CLSTN2: variants seen among roughly 807,000 people sequenced by gnomAD.
CLSTN2 encodes the protein calsyntenin 2, also known as calsyntenin-2.
In CLSTN2, 48 loss-of-function variants were observed where a neutral mutation model predicts 101.2. That is an observed-to-expected ratio of 0.47 (90% CI 0.38 to 0.60). The LOEUF (loss-of-function observed/expected upper bound fraction) is 0.60, where lower values mean the gene tolerates loss of function less well. Among genes scored for constraint, CLSTN2 ranks in the 20% least tolerant of loss-of-function variants. The probability of loss-of-function intolerance (pLI) is 0.00; values close to 1 mark genes in which losing one functional copy is unlikely to be tolerated. For missense variants in CLSTN2, 1,160 were observed against 1,238.2 expected (o/e 0.94, Z 0.95); for synonymous variants, 481 against 463.6 (o/e 1.04, Z -0.48).
chr3:140,291,543 C>G (rs147375765), intron 2 of CLSTN2, among the ~76,000 whole-genome samples: 119 of 152,174 alleles, frequency 7.8e-4, no homozygotes, highest in African/African-American at 2.5e-3. Flanking sequence ...TTTTCTTCCA[C>G]CAGACAGCCA....
intron 2 of CLSTN2, among the ~76,000 whole-genome samples, chr3:140,248,622 C>G: frequency 6.6e-6 from 1 of 152,160 alleles, no homozygotes; most frequent in East Asian, 1.9e-4. Context: ...CTGAAGGACT[C>G]GTTAGTTAAT....
intron 2 of CLSTN2, among the ~76,000 whole-genome samples, chr3:140,203,698 A>T: frequency 6.6e-6 from 1 of 152,118 alleles, no homozygotes; most frequent in East Asian, 1.9e-4. Flanking sequence ...GGAGCCTGAC[A>T]GCTTTAATGG....
At chr3:140,057,056 C>T (rs1314446285) in intron 1 of CLSTN2, among the ~76,000 whole-genome samples, 1 of 152,208 alleles carries the variant, frequency 6.6e-6, no homozygotes, top group African/African-American at 2.4e-5. Context: ...AGGGATTTTC[C>T]CTGGACATAC....
intron 4 of CLSTN2, among the ~76,000 whole-genome samples, chr3:140,410,160 T>C (rs1355559365): frequency 6.6e-6 from 1 of 152,052 alleles, no homozygotes; most frequent in Non-Finnish European, 1.5e-5. Flanking sequence ...TTCTCAAATA[T>C]GGAGAGAGAT....
intron 8 of CLSTN2, among the ~76,000 whole-genome samples, chr3:140,494,625 C>T (rs912239062): frequency 2.0e-5 from 3 of 152,138 alleles, no homozygotes; most frequent in Non-Finnish European, 2.9e-5. Flanking sequence ...CCTACCTCAC[C>T]CCCAACAGGT....
At chr3:140,175,827 T>C (rs1204323127) in intron 1 of CLSTN2, 124 bp from the exon 2 acceptor site, 1 of 952,300 alleles carries the variant, frequency 1.1e-6, no homozygotes, top group Non-Finnish European at 1.5e-6. Context: ...ACATGTTCCA[T>C]GTCTCTCATG....
At chr3:140,252,250 T>G (rs2086570571) in intron 2 of CLSTN2, among the ~76,000 whole-genome samples, 2 of 151,908 alleles carry the variant, frequency 1.3e-5, no homozygotes, top group African/African-American at 2.4e-5. Context: ...ACCAGAAGGG[T>G]CAGGGTAGGG....
intron 2 of CLSTN2, among the ~76,000 whole-genome samples, chr3:140,279,665 G>T (rs1238013408): frequency 6.6e-6 from 1 of 152,154 alleles, no homozygotes; most frequent in Non-Finnish European, 1.5e-5. Flanking sequence ...TGGTGGATGA[G>T]CCCCTCAAGG....
chr3:140,049,877 C>A (rs1163407848), intron 1 of CLSTN2, among the ~76,000 whole-genome samples: 1 of 152,200 alleles, frequency 6.6e-6, no homozygotes, highest in East Asian at 1.9e-4. Context: ...TCTTGTCCCT[C>A]CAGATCTCTT....
chr3:140,176,152 G>A, intron 2 of CLSTN2, 79 bp downstream of exon 2: 1 of 1,520,378 alleles, frequency 6.6e-7, no homozygotes. Flanking sequence ...CCCAGAATAT[G>A]GCTTTATAGC....
chr3:140,127,516 G>C (rs1217427991), intron 1 of CLSTN2, among the ~76,000 whole-genome samples: 3 of 152,090 alleles, frequency 2.0e-5, no homozygotes. Flanking sequence ...CGACAGGGGC[G>C]GTGCACAACA....
intron 1 of CLSTN2, among the ~76,000 whole-genome samples, chr3:140,089,384 C>T (rs2008737435): frequency 1.3e-5 from 2 of 152,148 alleles, no homozygotes; most frequent in Non-Finnish European, 2.9e-5. Flanking sequence ...CCTGAGTTGG[C>T]TCCCTCAGTG....
chr3:140,101,042 C>T (rs979482695), intron 1 of CLSTN2, among the ~76,000 whole-genome samples: 2 of 152,038 alleles, frequency 1.3e-5, no homozygotes, highest in Non-Finnish European at 2.9e-5. Flanking sequence ...GCACCTGGTA[C>T]ACTGGGGTCA....
chr3:140,052,688 T>G (rs1389965204), intron 1 of CLSTN2, among the ~76,000 whole-genome samples: 1 of 152,194 alleles, frequency 6.6e-6, no homozygotes, highest in African/African-American at 2.4e-5. Context: ...AGCTTCTCTT[T>G]TGAAGCGTAG....
intron 8 of CLSTN2, among the ~76,000 whole-genome samples, chr3:140,518,155 C>G (rs895146368): frequency 6.6e-6 from 1 of 152,140 alleles, no homozygotes; most frequent in Non-Finnish European, 1.5e-5. Context: ...CATACTTATC[C>G]AACAGCACCG....
chr3:140,267,460 A>G (rs58522676), intron 2 of CLSTN2, among the ~76,000 whole-genome samples: 5,578 of 152,252 alleles, frequency 0.037, 316 homozygotes, highest in African/African-American at 0.13. Flanking sequence ...ATGAAAGTCT[A>G]TGGATATTGA....
intron 4 of CLSTN2, among the ~76,000 whole-genome samples, chr3:140,405,644 A>G (rs2088294500): frequency 6.6e-6 from 1 of 152,198 alleles, no homozygotes; most frequent in Non-Finnish European, 1.5e-5. Context: ...ACAAGACTGG[A>G]AGCATTCCTA....
At chr3:140,089,035 G>C (rs975139365) in intron 1 of CLSTN2, among the ~76,000 whole-genome samples, 12 of 152,064 alleles carry the variant, frequency 7.9e-5, no homozygotes, top group Admixed American at 1.3e-4. Context: ...CATTAAAATG[G>C]AACTAAAAAT....
chr3:140,389,058 T>C (rs1380717097), intron 2 of CLSTN2, among the ~76,000 whole-genome samples: 4 of 152,230 alleles, frequency 2.6e-5, no homozygotes, highest in African/African-American at 4.8e-5. Flanking sequence ...ATCCCTTTTA[T>C]AGAGTTGAAT....
Sources: gnomAD v4.1 joint callset for allele counts (sites outside exome capture counted in the v4.1 genomes callset) on GRCh38, gnomAD v4.1.1 for gene constraint, MANE v1.5 for transcripts, NCBI Gene and HGNC (gene_info 2026-07-23, HGNC 2026-07-21) for gene names.